The following CD163 variants were observed in gnomAD, a reference collection of about 807,000 sequenced individuals.
CD163 encodes scavenger receptor cysteine-rich type 1 protein M130.
Under a neutral mutation model 129.2 loss-of-function variants are expected in CD163, and 64 were observed. That is an observed-to-expected ratio of 0.50 (90% CI 0.41 to 0.61). The LOEUF (loss-of-function observed/expected upper bound fraction) is 0.61, where lower values mean the gene tolerates loss of function less well. Ranked by LOEUF, CD163 falls within the 20% of genes least tolerant of loss-of-function variation. The pLI is 0.00. For missense variants in CD163, 1,061 were observed against 1,377.9 expected, an observed-to-expected ratio of 0.77 and a Z score of 3.64; for synonymous variants, 446 against 478.5, an observed-to-expected ratio of 0.93 and a Z score of 0.89.
intron 16 of CD163, among the ~76,000 whole-genome samples, chr12:7,478,806 G>T (rs916304885): frequency 6.6e-6 from 1 of 151,626 alleles, no homozygotes; most frequent in African/African-American, 2.4e-5. Context: ...ATAATATGTA[G>T]ATGAATTATA....
At chr12:7,473,667 T>C (rs1565830504) in intron 16 of CD163, among the ~76,000 whole-genome samples, 6 of 152,126 alleles carry the variant, frequency 3.9e-5, no homozygotes, top group Admixed American at 3.3e-4. Flanking sequence ...CCACATCAAC[T>C]AATGTGCAAA....
chr12:7,483,760 TA>T (rs35675142), intron 11 of CD163, 85 bp from the exon 12 acceptor site: 54,052 of 400,812 alleles, frequency 0.13, 379 homozygotes, highest in Non-Finnish European at 0.14. Flanking sequence ...ATTTGAAACT[TA>T]AAAAAAAAAA....
At chr12:7,497,336 A>G (rs183017556) in intron 4 of CD163, among the ~76,000 whole-genome samples, 55 of 152,334 alleles carry the variant, frequency 3.6e-4, no homozygotes, top group Non-Finnish European at 6.6e-4. Flanking sequence ...CTCAGTATAG[A>G]CAGCATATAC....
chr12:7,478,237 T>A (rs10845265), intron 16 of CD163, among the ~76,000 whole-genome samples: 65 of 152,132 alleles, frequency 4.3e-4, no homozygotes, highest in African/African-American at 1.4e-3. Flanking sequence ...TCAAAGGGTC[T>A]GTGAATCTTT....
chr12:7,482,033 T>C (rs950168009), intron 14 of CD163, among the ~76,000 whole-genome samples: 25 of 152,174 alleles, frequency 1.6e-4, no homozygotes, highest in Admixed American at 5.9e-4. Context: ...TTTGTTCCTT[T>C]TTCCTATTAA....
intron 15 of CD163, chr12:7,480,627 G>A (rs1949149704): frequency 6.5e-6 from 1 of 154,178 alleles, no homozygotes; most frequent in African/African-American, 2.4e-5. Context: ...GAGGATTATA[G>A]GTAATAACAT....
In CD163 at chr12:7,487,273, A is replaced by T; in HGVS notation, c.2050+86T>A. 2 of 1,372,058 alleles carry T rather than the reference A, an allele frequency of 1.5e-6. No homozygotes were observed. Among genetic ancestry groups the T allele is most frequent in the South Asian group, 3.0e-5 (2 of 66,864 alleles). 85.0% of individuals were successfully genotyped at this position (1,372,058 alleles called of 1,614,324 possible). On this transcript the variant is annotated intron_variant, in intron 8 of 16. Coordinates refer to ENST00000432237, the MANE Select transcript of CD163 (RefSeq NM_203416.4). This position sits in a 1 kb window ranked among gnomAD's most constrained non-coding sequence, Gnocchi z 5.1. ...TTCATTCTTCTCATGACCCTTCAAA[A>T]TGGATCACTGCGTTTTACTTTTGTT...
intron 15 of CD163, chr12:7,480,956 C>T: frequency 1.6e-6 from 2 of 1,262,790 alleles, no homozygotes; most frequent in Non-Finnish European, 1.0e-6. Context: ...TAATCACAGG[C>T]CTCTTAAGCT....
At chr12:7,474,058 A>T (rs888783724) in intron 16 of CD163, among the ~76,000 whole-genome samples, 2 of 152,200 alleles carry the variant, frequency 1.3e-5, no homozygotes, top group Non-Finnish European at 2.9e-5. Flanking sequence ...CACCCAATAC[A>T]GGAGCACCCA....
Position 7,501,373 on chromosome 12 carries a change from C to G in CD163, c.223G>C (p.Val75Leu). 6.2e-7 allele frequency: 1 copy of G among 1,614,102 alleles called. No individual in the cohort carries two copies. Among genetic ancestry groups the G allele is most frequent in the Non-Finnish European group, 8.5e-7 (1 of 1,180,002 alleles). ...EVKVQEEWGT[V>L]CNNGWSMEAV... ...TCCATGCTCCAGCCATTATTACACA[C>G]CGTTCCCCACTCCTCCTGGACTTTC... The change falls in exon 3 of 17, where the codon GTG becomes CTG. Residue 75 changes from valine (V) to leucine (L), a missense_variant. Physicochemically the swap from Val to Leu is conservative, Grantham distance 32. Transcript: ENST00000432237.
rs1949228034 is a variant in CD163, at chr12:7,485,027, G to C, written c.2779+69C>G. 26 of 1,325,554 alleles carry C rather than the reference G, an allele frequency of 2.0e-5. No homozygotes were observed. Among genetic ancestry groups the C allele is most frequent in the Non-Finnish European group, 2.7e-5 (26 of 967,296 alleles). The allele number at this position is 1,325,554 out of a possible 1,614,324, so 82.1% of individuals were successfully genotyped here. A position where few individuals can be genotyped will look rare whatever the true frequency, so the allele number is the denominator to read the frequency against. On this transcript the variant is annotated intron_variant, in intron 11 of 16. Transcript: ENST00000432237. The surrounding 1 kb of genome is among the most constrained non-coding windows in gnomAD (Gnocchi z 4.5). The stretch of plus-strand genomic sequence containing the variant: ...TGTGAGAATAGGAAAATAAAATCCA[G>C]TGTCCATTATCAGAAGATGATAGCG...
At position 7,487,434 on chromosome 12, in the gene CD163, T is replaced by C. The variant is rs770235496; in HGVS notation, c.1975A>G (p.Met659Val). ...AGAGCAGTTACAGGACAATCTCCCATGTGCTGCTCAGTCCCAGTGCAGTGA... is the reference window on the plus strand; with the variant it reads ...AGAGCAGTTACAGGACAATCTCCCACGTGCTGCTCAGTCCCAGTGCAGTGA... Reference protein sequence around the residue: ...MFHCTGTEQHMGDCPVTALGA... With the variant: ...MFHCTGTEQHVGDCPVTALGA... Residue 659 changes from methionine to valine, a missense_variant, in exon 8 of 17, where the codon ATG (methionine) becomes GTG (valine). Transcript: ENST00000432237. This position sits in a 1 kb window ranked among gnomAD's most constrained non-coding sequence, Gnocchi z 5.1. 3.1e-6 allele frequency: 5 copies of C among 1,613,956 alleles called. No individual in the cohort carries two copies. In the South Asian group the frequency reaches 4.4e-5, roughly 14 times the overall value.
In CD163 at chr12:7,485,262, G is replaced by T; in HGVS notation, c.2613C>A (p.Asp871Glu). 1 of 1,614,158 alleles carries T rather than the reference G, an allele frequency of 6.2e-7. No homozygotes were observed. The highest frequency in any genetic ancestry group is 2.2e-5 in the East Asian group (1 of 44,876). ...GVVCRQLGCA[D>E]KGKINPASLD... Reference sequence around the variant, plus strand: ...AAGATGCAGGGTTGATTTTCCCTTTGTCTGCACAGCCCAGCTGCCTGCACA... The same window carrying T: ...AAGATGCAGGGTTGATTTTCCCTTTTTCTGCACAGCCCAGCTGCCTGCACA... Residue 871 changes from aspartate to glutamate, a missense_variant, in exon 11 of 17, where the codon GAC (aspartate) becomes GAA (glutamate). Physicochemically the swap from Asp to Glu is conservative, Grantham distance 45 (BLOSUM62 2). Transcript: ENST00000432237. The surrounding 1 kb of genome is among the most constrained non-coding windows in gnomAD (Gnocchi z 4.5).
In CD163 at chr12:7,487,562, T is replaced by A; in HGVS notation, c.1847A>T (p.Asp616Val). Residue 616 changes from aspartate (D) to valine (V), a missense_variant, in exon 8 of 17, where the codon GAT becomes GTT. Asp to Val is a radical substitution (Grantham distance 152, BLOSUM62 -3). Transcript: ENST00000432237. The surrounding 1 kb of genome is among the most constrained non-coding windows in gnomAD (Gnocchi z 5.1). ...AAGCTGCTGGCAAAGAACATGGGCA[T>A]CTTCTATGTCCCAGTGAGAGTTACA... ...SLCNSHWDIE[D>V]AHVLCQQLKC... 6.2e-7 allele frequency: 1 copy of A among 1,614,100 alleles called. No individual in the cohort carries two copies. The highest frequency in any genetic ancestry group is 8.5e-7 in the Non-Finnish European group (1 of 1,180,016).
chr12:7,471,186 T>C lies in CD163; in HGVS notation c.*243A>G, dbSNP rs1948998194. The C allele has an allele frequency of 6.6e-6, 1 of 152,248 alleles. No individual in the cohort carries two copies. Among genetic ancestry groups the C allele is most frequent in the Non-Finnish European group, 1.5e-5 (1 of 68,010 alleles). The allele number at this position is 152,248 out of a possible 1,614,324, so 9.4% of individuals were successfully genotyped here. A position where few individuals can be genotyped will look rare whatever the true frequency, so the allele number is the denominator to read the frequency against. The stretch of plus-strand genomic sequence containing the variant: ...TAAAGCAAACTCAAATCAATAACAT[T>C]CTTATTTATTTATTTAATTCCCTTG... On this transcript the variant is annotated 3_prime_UTR_variant, in exon 17 of 17. Transcript: ENST00000432237.
intron 14 of CD163, 109 bp downstream of exon 14, chr12:7,482,534 C>A: frequency 8.0e-7 from 1 of 1,249,540 alleles, no homozygotes; most frequent in South Asian, 1.5e-5. Flanking sequence ...CTGCTCAAAC[C>A]TCTTTTAGAG....
chr12:7,477,844 G>A (rs1404542328), intron 16 of CD163, among the ~76,000 whole-genome samples: 1 of 152,154 alleles, frequency 6.6e-6, no homozygotes, highest in Non-Finnish European at 1.5e-5. Context: ...TCAGGGAAAA[G>A]TAGTTCAATT....
intron 6 of CD163, among the ~76,000 whole-genome samples, chr12:7,491,869 T>C (rs1342962386): frequency 6.6e-6 from 1 of 152,176 alleles, no homozygotes; most frequent in Non-Finnish European, 1.5e-5. Context: ...AGTAATTTTG[T>C]GGCCAAAATT....
chr12:7,488,346 A>G (rs917811341), intron 6 of CD163, among the ~76,000 whole-genome samples: 1 of 152,086 alleles, frequency 6.6e-6, no homozygotes, highest in African/African-American at 2.4e-5. Context: ...GGCAATGATA[A>G]CTCTGTTCTT....
Sources: gnomAD v4.1 joint callset for allele counts (sites outside exome capture counted in the v4.1 genomes callset) on GRCh38, gnomAD v4.1.1 for gene constraint, Gnocchi (gnomAD v3.1) non-coding constraint, MANE v1.5 for transcripts, NCBI Gene and HGNC (gene_info 2026-07-23, HGNC 2026-07-21) for gene names.